Variants in CD82 observed in about 807,000 individuals in gnomAD.
CD82 encodes the protein CD82 antigen.
A neutral mutation model predicts 37.4 loss-of-function variants in CD82; 36 were observed. The ratio of observed to expected loss-of-function variants is 0.96; its 90% confidence interval spans 0.74 to 1.27. CD82 has a LOEUF of 1.27. CD82 is among the 50% of genes most tolerant of loss of function. The probability of loss-of-function intolerance (pLI) is 0.00; values close to 1 mark genes in which losing one functional copy is unlikely to be tolerated. For missense variants in CD82, 340 were observed against 347.0 expected (o/e 0.98, Z 0.16); for synonymous variants, 158 against 137.4 (o/e 1.15, Z -1.05).
At chr11:44,580,272 A>G (rs1043845257) in intron 1 of CD82, among the ~76,000 whole-genome samples, 3 of 152,192 alleles carry the variant, frequency 2.0e-5, no homozygotes, top group Admixed American at 6.5e-5. Context: ...ACCTATGTGC[A>G]TCACTTTGCC....
At position 44,619,313 on chromosome 11, in the gene CD82, C is replaced by T; in HGVS notation, c.*187C>T. The T allele has an allele frequency of 1.7e-6, 1 of 587,694 alleles. No homozygotes were observed. Among genetic ancestry groups the T allele is most frequent in the Non-Finnish European group, 3.0e-6 (1 of 328,278 alleles). The allele number at this position is 587,694 out of a possible 1,614,324, so 36.4% of individuals were successfully genotyped here. A position where few individuals can be genotyped will look rare whatever the true frequency, so the allele number is the denominator to read the frequency against. On this transcript the variant is annotated 3_prime_UTR_variant, in exon 10 of 10. Coordinates refer to ENST00000227155, the MANE Select transcript of CD82 (RefSeq NM_002231.4). ...GGCCTATCCGCTGCCAGCCTTGAGC[C>T]CTGGCTGTTCTGTGGTTCCTCTGCT...
chr11:44,596,087 C>CT (rs936511180), intron 3 of CD82, among the ~76,000 whole-genome samples: 3 of 152,260 alleles, frequency 2.0e-5, no homozygotes, highest in African/African-American at 7.2e-5. Flanking sequence ...GGCCCCGGCC[C>CT]TAGCTCCCTC....
intron 6 of CD82, among the ~76,000 whole-genome samples, chr11:44,611,269 G>A (rs1265449866): frequency 6.6e-6 from 1 of 152,246 alleles, no homozygotes; most frequent in Non-Finnish European, 1.5e-5. Context: ...AGAGCCAGCA[G>A]AAGGCTCAGC....
intron 2 of CD82, among the ~76,000 whole-genome samples, chr11:44,588,373 G>A (rs1053988553): frequency 7.9e-5 from 12 of 151,918 alleles, no homozygotes; most frequent in East Asian, 1.9e-4. Context: ...GCAGGCACCC[G>A]CCACCATGCC....
At chr11:44,603,547 T>G (rs1853343439) in intron 4 of CD82, among the ~76,000 whole-genome samples, 1 of 152,148 alleles carries the variant, frequency 6.6e-6, no homozygotes, top group Admixed American at 6.5e-5. Flanking sequence ...GGGAGCGTCT[T>G]GGTCGGGTTG....
intron 1 of CD82, among the ~76,000 whole-genome samples, chr11:44,582,611 A>G (rs1324409547): frequency 2.0e-4 from 30 of 152,144 alleles, no homozygotes; most frequent in African/African-American, 2.4e-5. Context: ...GGCCCGTACT[A>G]TCATCTGCTT....
chr11:44,597,615 G>T lies in CD82; in HGVS notation c.64-2543G>T, dbSNP rs1590340568. Among the ~76,000 whole-genome samples, 1 of 152,258 alleles carries T rather than the reference G, an allele frequency of 6.6e-6. No individual in the cohort carries two copies. The highest frequency in any genetic ancestry group is 1.5e-5 in the Non-Finnish European group (1 of 68,042). On this transcript the variant is annotated intron_variant, in intron 3 of 9. Coordinates refer to ENST00000227155, the MANE Select transcript of CD82 (RefSeq NM_002231.4). The surrounding 1 kb of genome is among the most constrained non-coding windows in gnomAD (Gnocchi z 4.1). ...GGCAAGCTGAGGAGCCAGCTGAGTA[G>T]TGTGGGGTTTTGATCTACTTGGGAT...
intron 7 of CD82, among the ~76,000 whole-genome samples, chr11:44,617,470 A>AATCGTTTG (rs1487514980): frequency 6.6e-6 from 1 of 150,706 alleles, no homozygotes; most frequent in Non-Finnish European, 1.5e-5. Context: ...GAAGCAGGAG[A>AATCGTTTG]ATCGTTTGAA....
At chr11:44,596,909 G>A (rs572880819) in intron 3 of CD82, 1 of 456,174 alleles carries the variant, frequency 2.2e-6, no homozygotes, top group Admixed American at 2.3e-5. Context: ...CAGTTGTTGG[G>A]GGTACTAGGA....
At position 44,605,171 on chromosome 11, in the gene CD82, C is replaced by T. The variant is rs747565395; in HGVS notation, c.250C>T (p.Leu84=). Residue 84 remains leucine (L), a synonymous_variant, in exon 5 of 10, where the codon CTG becomes TTG. Coordinates refer to ENST00000227155, the MANE Select transcript of CD82 (RefSeq NM_002231.4). The part of the protein sequence containing the change: ...CIGAVNEVRC[L]LGLYFAFLLL... ...CGGCGCCGTCAACGAGGTCCGCTGC[C>T]TGCTGGGGCTGGTGAGTACGGATCC... is the stretch of plus-strand genomic sequence containing the variant. 18 of 1,613,910 alleles carry T rather than the reference C, an allele frequency of 1.1e-5. No individual in the cohort carries two copies. The highest frequency in any genetic ancestry group is 1.1e-5 in the South Asian group (1 of 91,076).
chr11:44,581,734 A>T (rs1223376196), intron 1 of CD82, among the ~76,000 whole-genome samples: 2 of 152,158 alleles, frequency 1.3e-5, no homozygotes, highest in Non-Finnish European at 2.9e-5. Flanking sequence ...GGCCCCTGGG[A>T]GGGCAGCCCC....
At chr11:44,619,014 C>A (rs372446671) in intron 9 of CD82, 35 bp from the exon 10 acceptor site, 84 of 1,592,694 alleles carry the variant, frequency 5.3e-5, no homozygotes, top group Non-Finnish European at 7.1e-5. Context: ...GCCGGGACAC[C>A]CAGCCTCCCT....
intron 3 of CD82, among the ~76,000 whole-genome samples, chr11:44,595,929 A>G (rs993787963): frequency 6.6e-6 from 1 of 150,552 alleles, no homozygotes; most frequent in Admixed American, 6.6e-5. Flanking sequence ...AAAAAAAAAA[A>G]AAGAATTTTA....
chr11:44,618,719 T>C lies in CD82; in HGVS notation c.722T>C (p.Ile241Thr). Residue 241 changes from isoleucine to threonine, a missense_variant, in exon 9 of 10, where the codon ATC becomes ACC. Physicochemically the swap from Ile to Thr is moderately conservative, Grantham distance 89. Transcript: ENST00000227155. ...ILGVGVGVAIIELLGMVLSIC... is the reference protein window; with the variant it reads ...ILGVGVGVAITELLGMVLSIC... ...GGCGTGGGCGTGGGTGTGGCCATCA[T>C]CGAGGTCTGAGCCCCCTCCCCCATC... is the stretch of plus-strand genomic sequence containing the variant. 6.2e-7 allele frequency: 1 copy of C among 1,612,632 alleles called. No individual in the cohort carries two copies. Among genetic ancestry groups the C allele is most frequent in the Non-Finnish European group, 8.5e-7 (1 of 1,179,132 alleles).
Position 44,618,694 on chromosome 11 carries a change from G to T in CD82, c.697G>T (p.Gly233Cys), listed in dbSNP as rs1465248094. 2 of 1,613,280 alleles carry T rather than the reference G, an allele frequency of 1.2e-6. No individual in the cohort carries two copies. Among genetic ancestry groups the T allele is most frequent in the South Asian group, 1.1e-5 (1 of 91,068 alleles). The part of the protein sequence containing the change: ...WLQENLGIIL[G>C]VGVGVAIIEL... ...GCAGGAGAACCTGGGCATCATCCTC[G>T]GCGTGGGCGTGGGTGTGGCCATCAT... is the stretch of plus-strand genomic sequence containing the variant. Residue 233 changes from glycine to cysteine, a missense_variant, in exon 9 of 10, where the codon GGC (glycine) becomes TGC (cysteine). Coordinates refer to ENST00000227155, the MANE Select transcript of CD82 (RefSeq NM_002231.4).
rs1419524492 is a variant in CD82, at chr11:44,591,811, A to G, written c.-20-2832A>G. Among the ~76,000 whole-genome samples, 14 of 138,818 alleles carry G rather than the reference A, an allele frequency of 1.0e-4. No individual in the cohort carries two copies. The Admixed American group carries it at 1.1e-3, about 11-fold the overall frequency. The allele number at this position is 138,818 out of a possible 152,430, so 91.1% of individuals were successfully genotyped here. A position where few individuals can be genotyped will look rare whatever the true frequency, so the allele number is the denominator to read the frequency against. ...CACTCCTTCTCCTTACAGACGTCAT[A>G]CTTACTCTTATTTTTGTTTTTATTT... On this transcript the variant is annotated intron_variant, in intron 2 of 9. Coordinates refer to ENST00000227155, the MANE Select transcript of CD82 (RefSeq NM_002231.4).
At position 44,619,177 on chromosome 11, in the gene CD82, A is replaced by C. The variant is rs778859812; in HGVS notation, c.*51A>C. 3.4e-6 allele frequency: 5 copies of C among 1,464,204 alleles called. No individual in the cohort carries two copies. The highest frequency in any genetic ancestry group is 1.4e-5 in the African/African-American group (1 of 72,068). 90.7% of individuals were successfully genotyped at this position (1,464,204 alleles called of 1,614,324 possible). A position where few individuals can be genotyped will look rare whatever the true frequency, so the allele number is the denominator to read the frequency against. Reference sequence around the variant, plus strand: ...CCTGGCCCCCAACCTCAGGGCTCCCAGGGGTCTCCCTGGCTCCCTCCTCCA... The same window carrying C: ...CCTGGCCCCCAACCTCAGGGCTCCCCGGGGTCTCCCTGGCTCCCTCCTCCA... On this transcript the variant is annotated 3_prime_UTR_variant, in exon 10 of 10. Transcript: ENST00000227155.
intron 2 of CD82, among the ~76,000 whole-genome samples, chr11:44,588,217 TTTG>T (rs1323818316): frequency 3.3e-5 from 2 of 60,672 alleles, no homozygotes; most frequent in African/African-American, 1.1e-4. Flanking sequence ...GGGTTTTTTT[TTTG>T]TTTTTTGTTT....
At chr11:44,564,809 T>C (rs1487739209), upstream of CD82, among the ~76,000 whole-genome samples, 1 of 152,206 alleles carries the variant, frequency 6.6e-6, no homozygotes, top group African/African-American at 2.4e-5. Context: ...ACTCAGGACC[T>C]GAGGCTGGAT....
Sources: allele counts gnomAD v4.1 joint callset (sites outside exome capture counted in the v4.1 genomes callset), GRCh38; gene constraint gnomAD v4.1.1; non-coding constraint Gnocchi (gnomAD v3.1); transcripts MANE v1.5; gene names NCBI Gene and HGNC (gene_info 2026-07-23, HGNC 2026-07-21).